The following GRIK2 variants were observed in gnomAD, a reference collection of about 807,000 sequenced individuals.
GRIK2 encodes glutamate ionotropic receptor kainate type subunit 2, also known as glutamate receptor ionotropic, kainate 2.
GRIK2 carries 32 observed loss-of-function variants against 100.3 expected under a neutral mutation model. That is an observed-to-expected ratio of 0.32 (90% CI 0.24 to 0.43). GRIK2 has a LOEUF of 0.43. GRIK2 is among the 20% of genes least tolerant of loss of function. The probability of loss-of-function intolerance (pLI) is 1.00; values close to 1 mark genes in which losing one functional copy is unlikely to be tolerated. For synonymous variants in GRIK2, 417 were observed against 389.4 expected (o/e 1.07, Z -0.83); for missense variants, 843 against 1,114.9 (o/e 0.76, Z 3.47).
At chr6:101,600,519 C>T (rs1779160130) in intron 2 of GRIK2, among the ~76,000 whole-genome samples, 1 of 151,898 alleles carries the variant, frequency 6.6e-6, no homozygotes, top group Admixed American at 6.6e-5. Flanking sequence ...AATATTGGTT[C>T]TTTCAATCCA....
intron 2 of GRIK2, among the ~76,000 whole-genome samples, chr6:101,586,176 T>G (rs1180992750): frequency 6.6e-6 from 1 of 151,722 alleles, no homozygotes; most frequent in Admixed American, 6.6e-5. Flanking sequence ...GGGCATAAAT[T>G]TGGAACTGAA....
Position 101,785,761 on chromosome 6 carries a change from G to T in GRIK2, c.952-13887G>T, listed in dbSNP as rs146333816. On this transcript the variant is annotated intron_variant, in intron 7 of 16. Coordinates refer to ENST00000369134, the MANE Select transcript of GRIK2 (RefSeq NM_021956.5). ...AAGGTCAGGTATTGTGATGCCTTCA[G>T]CTTTTTTTCTTTTTGCTCAGGATTG... 2.0e-5 allele frequency among the ~76,000 whole-genome samples: 3 copies of T among 152,066 alleles called. No homozygotes were observed. In the East Asian group the frequency reaches 5.8e-4, roughly 29 times the overall value.
intron 2 of GRIK2, among the ~76,000 whole-genome samples, chr6:101,498,211 G>T (rs1413550433): frequency 1.3e-5 from 2 of 150,470 alleles, no homozygotes; most frequent in Admixed American, 1.3e-4. Flanking sequence ...CATTTTTTAT[G>T]GCTGCATAGT....
chr6:101,845,576 G>C (rs1031785571), intron 10 of GRIK2, among the ~76,000 whole-genome samples: 1 of 152,162 alleles, frequency 6.6e-6, no homozygotes, highest in African/African-American at 2.4e-5. Context: ...TTGGCATTCA[G>C]TTTATCTCCA....
At chr6:101,789,604 T>C (rs1190984336) in intron 7 of GRIK2, among the ~76,000 whole-genome samples, 1 of 152,196 alleles carries the variant, frequency 6.6e-6, no homozygotes, top group Non-Finnish European at 1.5e-5. Flanking sequence ...TTTTGGTTAC[T>C]GTAGACTTGT....
chr6:101,787,073 C>T (rs912905510), intron 7 of GRIK2, among the ~76,000 whole-genome samples: 2 of 151,880 alleles, frequency 1.3e-5, no homozygotes, highest in Non-Finnish European at 2.9e-5. Flanking sequence ...AAAAATTTAT[C>T]CATTTCCTAT....
At chr6:101,840,492 G>A (rs1783421983) in intron 10 of GRIK2, among the ~76,000 whole-genome samples, 1 of 152,082 alleles carries the variant, frequency 6.6e-6, no homozygotes, top group African/African-American at 2.4e-5. Flanking sequence ...CCCCACTACA[G>A]TGACTCAAAA....
At chr6:102,006,390 ATTTTTTTT>A (rs34620995) in intron 14 of GRIK2, among the ~76,000 whole-genome samples, 1 of 114,104 alleles carries the variant, frequency 8.8e-6, no homozygotes, top group African/African-American at 4.6e-5. Flanking sequence ...ATATATATAT[ATTTTTTTT>A]TTTTTTGAGA....
chr6:101,925,515 T>A (rs955414113), intron 13 of GRIK2, among the ~76,000 whole-genome samples: 9 of 151,958 alleles, frequency 5.9e-5, no homozygotes, highest in African/African-American at 1.9e-4. Flanking sequence ...ATGCTAGACC[T>A]ATTACTCAAA....
At chr6:101,474,942 A>T (rs1047411793) in intron 2 of GRIK2, among the ~76,000 whole-genome samples, 4 of 151,656 alleles carry the variant, frequency 2.6e-5, no homozygotes, top group African/African-American at 9.7e-5. Flanking sequence ...ATTTTTTTTC[A>T]CTCATGCAAC....
chr6:101,911,792 A>G (rs1788709132), intron 12 of GRIK2, among the ~76,000 whole-genome samples: 1 of 151,366 alleles, frequency 6.6e-6, no homozygotes. Flanking sequence ...AGGGAGGAAA[A>G]GTGAGGTGAA....
At chr6:101,802,038 T>C (rs1041785472) in intron 8 of GRIK2, among the ~76,000 whole-genome samples, 4 of 151,856 alleles carry the variant, frequency 2.6e-5, no homozygotes, top group Admixed American at 6.6e-5. Flanking sequence ...CTTCTCACTT[T>C]AGTTAAAGAG....
At chr6:101,895,201 C>G (rs1002099247) in intron 12 of GRIK2, among the ~76,000 whole-genome samples, 2 of 151,612 alleles carry the variant, frequency 1.3e-5, no homozygotes, top group Non-Finnish European at 3.0e-5. Flanking sequence ...AAAGAATATT[C>G]AATGTGTTAC....
intron 14 of GRIK2, among the ~76,000 whole-genome samples, chr6:101,942,526 G>A (rs13202167): frequency 0.23 from 34,959 of 152,088 alleles, 4,661 homozygotes; most frequent in Non-Finnish European, 0.31. Flanking sequence ...GGACAGTGAA[G>A]TCCAGGCTGA....
intron 7 of GRIK2, among the ~76,000 whole-genome samples, chr6:101,772,940 C>T (rs1778497749): frequency 6.6e-6 from 1 of 151,996 alleles, no homozygotes; most frequent in African/African-American, 2.4e-5. Context: ...AGTTTTATTG[C>T]CCAACCACAT....
intron 14 of GRIK2, among the ~76,000 whole-genome samples, chr6:101,959,951 T>G (rs1467438032): frequency 6.6e-6 from 1 of 151,978 alleles, no homozygotes. Context: ...CACAAATAAG[T>G]TTCCCCAGCT....
chr6:102,038,852 T>G (rs1228320176), intron 15 of GRIK2, among the ~76,000 whole-genome samples: 6 of 151,524 alleles, frequency 4.0e-5, no homozygotes, highest in African/African-American at 9.6e-5. Context: ...TAGTGAAAAT[T>G]TCACCTTTAG....
intron 7 of GRIK2, among the ~76,000 whole-genome samples, chr6:101,794,236 G>A (rs1448404107): frequency 2.0e-5 from 3 of 152,078 alleles, no homozygotes; most frequent in Non-Finnish European, 2.9e-5. Context: ...CCCACTGTCT[G>A]GCACTCCCTA....
At chr6:101,908,941 C>T (rs999520537) in intron 12 of GRIK2, among the ~76,000 whole-genome samples, 7 of 151,262 alleles carry the variant, frequency 4.6e-5, no homozygotes, top group Middle Eastern at 3.4e-3. Context: ...GAAAGACATA[C>T]TAGAGATCAC....
Sources: gnomAD v4.1 joint callset for allele counts (sites outside exome capture counted in the v4.1 genomes callset) on GRCh38, gnomAD v4.1.1 for gene constraint, MANE v1.5 for transcripts, NCBI Gene and HGNC (gene_info 2026-07-23, HGNC 2026-07-21) for gene names.